Variants in C1orf226 observed in about 807,000 individuals in gnomAD.
The protein encoded by C1orf226 is uncharacterized protein C1orf226.
C1orf226 carries 4 observed loss-of-function variants against 10.5 expected under a neutral mutation model. The ratio of observed to expected loss-of-function variants is 0.38; its 90% CI spans 0.19 to 0.87. The LOEUF is 0.87. Among genes scored for constraint, C1orf226 ranks in the 40% least tolerant of loss-of-function variants. The probability of loss-of-function intolerance (pLI) is 0.41; values close to 1 mark genes in which losing one functional copy is unlikely to be tolerated. For synonymous variants in C1orf226, 125 were observed against 139.3 expected (o/e 0.90, Z 0.72); for missense variants, 313 against 336.2 (o/e 0.93, Z 0.54).
In C1orf226 at chr1:162,386,337, C is replaced by T. The variant is rs1648106887; in HGVS notation, c.*2654C>T. On this transcript the variant is annotated 3_prime_UTR_variant, in exon 2 of 2. Coordinates refer to ENST00000458626, the MANE Select transcript of C1orf226 (RefSeq NM_001085375.2). ...TGTGACTGTAGCCTGGCAGCCACAC[C>T]CTCAGTAATCCCGCACAGTGAGTCC... The T allele has an allele frequency of 6.6e-6, 1 of 152,350 alleles. No individual in the cohort carries two copies. The highest frequency in any genetic ancestry group is 6.5e-5 in the Admixed American group (1 of 15,284). The allele number at this position is 152,350 out of a possible 1,614,324, so 9.4% of individuals were successfully genotyped here. A position where few individuals can be genotyped will look rare whatever the true frequency, so the allele number is the denominator to read the frequency against.
chr1:162,379,108 G>A (rs909936226), upstream of C1orf226: 3 of 935,394 alleles, frequency 3.2e-6, no homozygotes, highest in African/African-American at 1.6e-5. Flanking sequence ...CATGTTGGGG[G>A]GTACTGTTGG....
rs1003702031 is a variant in C1orf226, at chr1:162,381,857, T to A, written c.-45T>A. On this transcript the variant is annotated 5_prime_UTR_variant, in exon 1 of 2. Transcript: ENST00000458626. ...GAGCACAGGTACCGCTCCCCTTTCC[T>A]CATCATGCCTCTCTGTCGCCTCTTT... 5.0e-6 allele frequency: 8 copies of A among 1,604,362 alleles called. No homozygotes were observed. Among genetic ancestry groups the A allele is most frequent in the Non-Finnish European group, 5.9e-6 (7 of 1,177,656 alleles).
Position 162,385,492 on chromosome 1 carries a change from CTG to C in C1orf226, c.*1811_*1812del, listed in dbSNP as rs1344043014. The C allele has an allele frequency of 6.6e-6, 1 of 152,388 alleles. No homozygotes were observed. The highest frequency in any genetic ancestry group is 1.5e-5 in the Non-Finnish European group (1 of 68,150). The allele number at this position is 152,388 out of a possible 1,614,324, so 9.4% of individuals were successfully genotyped here. On this transcript the variant is annotated 3_prime_UTR_variant, in exon 2 of 2. Transcript: ENST00000458626. ...GGTTTCACCACGTGCTCACCACAAA[CTG>C]TCTCCCCTCCCTCGTAGGAGTCACT...
chr1:162,380,160 G>C (rs1309930258), upstream of C1orf226, among the ~76,000 whole-genome samples: 2 of 152,196 alleles, frequency 1.3e-5, no homozygotes, highest in East Asian at 3.9e-4. Flanking sequence ...GCTGTGGAGC[G>C]GGCTGGAAGC....
At position 162,383,518 on chromosome 1, in the gene C1orf226, C is replaced by A; in HGVS notation, c.654C>A (p.Cys218Ter). The A allele has an allele frequency of 1.2e-6, 2 of 1,605,220 alleles. No individual in the cohort carries two copies. The highest frequency in any genetic ancestry group is 1.7e-6 in the Non-Finnish European group (2 of 1,175,446). Reference protein sequence around the residue: ...QDESKLKMTECRRASSPSLIE... With the variant: ...QDESKLKMTE Reference sequence around the variant, plus strand: ...AATCCAAGCTAAAGATGACTGAGTGCAGAAGGGCCTCCTCCCCCAGCCTTA... The same window carrying A: ...AATCCAAGCTAAAGATGACTGAGTGAAGAAGGGCCTCCTCCCCCAGCCTTA... The change falls in exon 2 of 2, where the codon TGC becomes TGA. Residue 218 changes from cysteine (C) to a stop codon, truncating the protein, a stop_gained. Transcript: ENST00000458626. LOFTEE classifies it high-confidence loss of function.
At position 162,384,511 on chromosome 1, in the gene C1orf226, C is replaced by T. The variant is rs1434716473; in HGVS notation, c.*828C>T. 1.3e-5 allele frequency: 2 copies of T among 152,736 alleles called. No homozygotes were observed. Among genetic ancestry groups the T allele is most frequent in the African/African-American group, 4.8e-5 (2 of 41,446 alleles). The allele number at this position is 152,736 out of a possible 1,614,324, so 9.5% of individuals were successfully genotyped here. A position where few individuals can be genotyped will look rare whatever the true frequency, so the allele number is the denominator to read the frequency against. On this transcript the variant is annotated 3_prime_UTR_variant, in exon 2 of 2. Coordinates refer to ENST00000458626, the MANE Select transcript of C1orf226 (RefSeq NM_001085375.2). Reference sequence around the variant, plus strand: ...AGGCCCCAGCAGATGCGGCCTAGCACACTCTGATTTGGTTTTGTGGGGAGG... The same window carrying T: ...AGGCCCCAGCAGATGCGGCCTAGCATACTCTGATTTGGTTTTGTGGGGAGG...
rs1648015583 is a variant in C1orf226, at chr1:162,383,820, C to T, written c.*137C>T. 2 of 861,624 alleles carry T rather than the reference C, an allele frequency of 2.3e-6. No homozygotes were observed. Among genetic ancestry groups the T allele is most frequent in the African/African-American group, 1.7e-5 (1 of 58,754 alleles). 53.4% of individuals were successfully genotyped at this position (861,624 alleles called of 1,614,324 possible). ...GAGGCACCAGCAGAGAGCCAGTCGT[C>T]CATCATGGGATTTTGCAGGACTGGA... On this transcript the variant is annotated 3_prime_UTR_variant, in exon 2 of 2. Transcript: ENST00000458626.
At chr1:162,382,477 A>G (rs7521280) in intron 1 of C1orf226, among the ~76,000 whole-genome samples, 11,124 of 98,244 alleles carry the variant, frequency 0.11, 580 homozygotes, top group East Asian at 0.24. Context: ...CCATGTCCTC[A>G]GCTCTGTGCT....
At chr1:162,379,040 T>C (rs778045656), upstream of C1orf226, 2 of 1,525,518 alleles carry the variant, frequency 1.3e-6, no homozygotes, top group Non-Finnish European at 1.8e-6. Flanking sequence ...AGGTAAGATA[T>C]CCTGTTTTTT....
Position 162,382,135 on chromosome 1 carries a change from T to G in C1orf226, c.234T>G (p.Gly78=). ...RKEPSSLGSV[G]VTEINKTAGA... is the part of the protein sequence containing the mutation. ...AGCCCTCCAGCCTGGGCAGTGTGGG[T>G]GTGACAGAGATCAACAAGACTGCAG... The change falls in exon 1 of 2, where the codon GGT becomes GGG. Residue 78 remains glycine (G), a synonymous_variant. Coordinates refer to ENST00000458626, the MANE Select transcript of C1orf226 (RefSeq NM_001085375.2). 1 of 1,589,666 alleles carries G rather than the reference T, an allele frequency of 6.3e-7. No individual in the cohort carries two copies. The highest frequency in any genetic ancestry group is 8.6e-7 in the Non-Finnish European group (1 of 1,168,054).
upstream of C1orf226, among the ~76,000 whole-genome samples, chr1:162,379,522 T>G (rs114673891): frequency 5.6e-3 from 847 of 152,346 alleles, 10 homozygotes; most frequent in African/African-American, 0.019. Context: ...TGCAAGACCC[T>G]AAGCTGGGCA....
In C1orf226 at chr1:162,383,879, C is replaced by T. The variant is rs187915409; in HGVS notation, c.*196C>T. ...AGTAGTTCTAGTTAAAGAGTCTATC[C>T]GCAGAATGGCTGAAGGACTTGATGC... On this transcript the variant is annotated 3_prime_UTR_variant, in exon 2 of 2. Transcript: ENST00000458626. 830 of 588,920 alleles carry T rather than the reference C, an allele frequency of 1.4e-3. 7 individuals are homozygous for T. Among genetic ancestry groups the T allele is most frequent in the African/African-American group, 0.014 (750 of 54,020 alleles). The allele number at this position is 588,920 out of a possible 1,614,324, so 36.5% of individuals were successfully genotyped here.
At position 162,386,680 on chromosome 1, in the gene C1orf226, A is replaced by G. The variant is rs3738395; in HGVS notation, c.*2997A>G. 0.14 allele frequency: 21,977 copies of G among 152,264 alleles called. 1,768 individuals carry two copies. The highest frequency in any genetic ancestry group is 0.33 in the East Asian group (1,711 of 5,176). The allele number at this position is 152,264 out of a possible 1,614,324, so 9.4% of individuals were successfully genotyped here. ...TGCAATCCATCAGCGTTTAAAGAAG[A>G]AGATTGGCTCCAGTTCGGAGGAGGA... On this transcript the variant is annotated 3_prime_UTR_variant, in exon 2 of 2. Transcript: ENST00000458626.
intron 1 of C1orf226, 86 bp from the exon 2 acceptor site, chr1:162,383,096 A>C: frequency 1.5e-6 from 2 of 1,338,118 alleles, no homozygotes; most frequent in Non-Finnish European, 2.1e-6. Context: ...TTGAAAGTGC[A>C]GTTGGAGTTG....
rs164417 is a variant in C1orf226 at position 162,383,936 on chromosome 1, T to C, written c.*253T>C. On this transcript the variant is annotated 3_prime_UTR_variant, in exon 2 of 2. Coordinates refer to ENST00000458626, the MANE Select transcript of C1orf226 (RefSeq NM_001085375.2). The stretch of plus-strand genomic sequence containing the variant: ...GAGCCTAATTTTCTGTAACCTCCTC[T>C]GAGTGGGCTGCAGCCCTTGGACATT... 311,849 of 504,658 alleles carry C rather than the reference T, an allele frequency of 0.62. 97,729 individuals are homozygous for C. Among genetic ancestry groups the C allele is most frequent in the African/African-American group, 0.74 (38,732 of 52,214 alleles). 31.3% of individuals were successfully genotyped at this position (504,658 alleles called of 1,614,324 possible). A position where few individuals can be genotyped will look rare whatever the true frequency, so the allele number is the denominator to read the frequency against.
rs749095741 is a variant in C1orf226 at position 162,382,030 on chromosome 1, C to T, written c.129C>T (p.Leu43=). The T allele has an allele frequency of 1.2e-6, 2 of 1,611,702 alleles. No homozygotes were observed. Among genetic ancestry groups the T allele is most frequent in the Non-Finnish European group, 1.7e-6 (2 of 1,179,252 alleles). ...LGSGEPGGPG[L]WVGSSQHLKN... is the part of the protein sequence containing the mutation. ...CTGGTGAGCCTGGGGGGCCAGGACT[C>T]TGGGTGGGCAGCAGCCAGCACCTCA... The change falls in exon 1 of 2, where the codon CTC becomes CTT. Residue 43 remains leucine, a synonymous_variant. Coordinates refer to ENST00000458626, the MANE Select transcript of C1orf226 (RefSeq NM_001085375.2).
chr1:162,381,509 G>A (rs759280735), upstream of C1orf226, among the ~76,000 whole-genome samples: 6 of 152,128 alleles, frequency 3.9e-5, no homozygotes, highest in African/African-American at 7.2e-5. Flanking sequence ...AGCTCAGCAC[G>A]TGCTTACGGT....
At chr1:162,382,350 C>A in intron 1 of C1orf226, 132 bp downstream of exon 1, 3 of 1,200,070 alleles carry the variant, frequency 2.5e-6, no homozygotes, top group Non-Finnish European at 3.4e-6. Context: ...TACTGAAAAG[C>A]TGCAGGATCA....
upstream of C1orf226, chr1:162,379,106 G>A (rs1647830941): frequency 2.0e-6 from 2 of 997,752 alleles, no homozygotes; most frequent in Non-Finnish European, 1.5e-6. Context: ...TGCATGTTGG[G>A]GGGTACTGTT....
Sources: gnomAD v4.1 joint callset for allele counts (sites outside exome capture counted in the v4.1 genomes callset) on GRCh38, gnomAD v4.1.1 for gene constraint, MANE v1.5 for transcripts, NCBI Gene and HGNC (gene_info 2026-07-23, HGNC 2026-07-21) for gene names.